Variants in SDK2 observed in about 807,000 individuals in gnomAD.
The protein encoded by SDK2 is protein sidekick-2.
SDK2 carries 105 observed loss-of-function variants against 253.9 expected under a neutral mutation model. The observed-to-expected ratio is 0.41, with a 90% CI of 0.35 to 0.49. The LOEUF (loss-of-function observed/expected upper bound fraction) is 0.49. SDK2 is among the 20% of genes least tolerant of loss of function. SDK2 has a pLI of 0.06. For missense variants in SDK2, 2,608 were observed against 3,003.0 expected (o/e 0.87, Z 3.07); for synonymous variants, 1,249 against 1,234.9 (o/e 1.01, Z -0.24).
At chr17:73,596,794 G>A (rs2045765337) in intron 1 of SDK2, among the ~76,000 whole-genome samples, 1 of 152,222 alleles carries the variant, frequency 6.6e-6, no homozygotes, top group South Asian at 2.1e-4. Flanking sequence ...GCCTCCAGAT[G>A]ACAAGTCCCT....
At chr17:73,362,205 C>T (rs896180418) in intron 38 of SDK2, among the ~76,000 whole-genome samples, 1 of 152,156 alleles carries the variant, frequency 6.6e-6, no homozygotes, top group Admixed American at 6.5e-5. Context: ...TATGTTTCGG[C>T]TCCATTGCTA....
chr17:73,508,524 G>A (rs1341083881), intron 1 of SDK2, among the ~76,000 whole-genome samples: 1 of 152,180 alleles, frequency 6.6e-6, no homozygotes, highest in East Asian at 1.9e-4. Context: ...GATAGGGTGG[G>A]GCCGGGCGGC....
At chr17:73,579,014 C>G (rs1351494585) in intron 1 of SDK2, among the ~76,000 whole-genome samples, 1 of 152,148 alleles carries the variant, frequency 6.6e-6, no homozygotes, top group Non-Finnish European at 1.5e-5. Context: ...CCCTTGTCGG[C>G]CGGGTCAGGG....
At chr17:73,624,591 C>T (rs1271558623) in intron 1 of SDK2, among the ~76,000 whole-genome samples, 2 of 152,168 alleles carry the variant, frequency 1.3e-5, no homozygotes, top group African/African-American at 2.4e-5. Context: ...CTAGTGCTTC[C>T]CAGAATTTAA....
At chr17:73,386,688 G>A (rs929443596) in intron 30 of SDK2, 140 bp from the exon 31 acceptor site, 61 of 636,630 alleles carry the variant, frequency 9.6e-5, no homozygotes, top group Non-Finnish European at 1.1e-4. Flanking sequence ...AGGGCACACT[G>A]AGGCTCAGAA....
In SDK2 at chr17:73,559,598, G is replaced by GCCC. The variant is rs10633523; in HGVS notation, c.65-52004_65-52002dup. On this transcript the variant is annotated intron_variant, in intron 1 of 44. Coordinates refer to ENST00000392650, the MANE Select transcript of SDK2 (RefSeq NM_001144952.2). ...CGCCACTCCCCACTCCGCTCCCTGT[G>GCCC]CCCCCCGCCCCCGCCACCATACCAC... is the stretch of plus-strand genomic sequence containing the variant. Among the ~76,000 whole-genome samples, 1,050 of 122,118 alleles carry GCCC rather than the reference G, an allele frequency of 8.6e-3. 62 individuals are homozygous for GCCC. Among genetic ancestry groups the GCCC allele is most frequent in the African/African-American group, 0.04 (981 of 24,468 alleles). The allele number at this position is 122,118 out of a possible 152,430, so 80.1% of individuals were successfully genotyped here.
At chr17:73,366,025 G>C (rs2062681985) in intron 37 of SDK2, among the ~76,000 whole-genome samples, 1 of 152,180 alleles carries the variant, frequency 6.6e-6, no homozygotes, top group Non-Finnish European at 1.5e-5. Flanking sequence ...CTGATGGGGA[G>C]GACAGAGGAA....
At position 73,612,380 on chromosome 17, in the gene SDK2, C is replaced by T. The variant is rs957176123; in HGVS notation, c.64+31645G>A. Among the ~76,000 whole-genome samples, 2 of 151,740 alleles carry T rather than the reference C, an allele frequency of 1.3e-5. No homozygotes were observed. Among genetic ancestry groups the T allele is most frequent in the Non-Finnish European group, 2.9e-5 (2 of 67,920 alleles). Reference sequence around the variant, plus strand: ...CAGGCTGGCCCCGCACAGTCCCCACCCTCACCGGGTCCCTGTGGCCCAGCT... The same window carrying T: ...CAGGCTGGCCCCGCACAGTCCCCACTCTCACCGGGTCCCTGTGGCCCAGCT... On this transcript the variant is annotated intron_variant, in intron 1 of 44. Transcript: ENST00000392650. This position sits in a 1 kb window ranked among gnomAD's most constrained non-coding sequence, Gnocchi z 4.4.
chr17:73,600,563 C>G (rs972014822), intron 1 of SDK2, among the ~76,000 whole-genome samples: 1 of 152,094 alleles, frequency 6.6e-6, no homozygotes, highest in African/African-American at 2.4e-5. Flanking sequence ...GCCCCTAGCT[C>G]CCCAAGTGAC....
chr17:73,536,278 C>T (rs7210407), intron 1 of SDK2, among the ~76,000 whole-genome samples: 4 of 152,018 alleles, frequency 2.6e-5, no homozygotes, highest in Non-Finnish European at 5.9e-5. Context: ...CCTGGATCAG[C>T]AAGCAGGTCA....
At chr17:73,630,786 G>A (rs1393724990) in intron 1 of SDK2, among the ~76,000 whole-genome samples, 3 of 152,098 alleles carry the variant, frequency 2.0e-5, no homozygotes, top group African/African-American at 7.2e-5. Flanking sequence ...TGCAAGGGAG[G>A]CTGAGCTGTC....
chr17:73,460,279 C>G (rs1230526118), intron 3 of SDK2, among the ~76,000 whole-genome samples: 1 of 152,154 alleles, frequency 6.6e-6, no homozygotes, highest in Non-Finnish European at 1.5e-5. Flanking sequence ...CAGATGACAG[C>G]CAGCACCAAC....
chr17:73,457,309 C>T (rs189977777), intron 3 of SDK2, among the ~76,000 whole-genome samples: 11,756 of 64,928 alleles, frequency 0.18, 2,344 homozygotes, highest in East Asian at 0.65. Flanking sequence ...CTCCCCCTCC[C>T]CCCCTCCCCT....
intron 1 of SDK2, among the ~76,000 whole-genome samples, chr17:73,585,589 C>A (rs987471448): frequency 6.6e-6 from 1 of 152,182 alleles, no homozygotes; most frequent in East Asian, 1.9e-4. Flanking sequence ...CATGGCCAGG[C>A]GGGGAAATAC....
At chr17:73,351,952 G>T (rs1450006596) in intron 41 of SDK2, among the ~76,000 whole-genome samples, 2 of 151,928 alleles carry the variant, frequency 1.3e-5, no homozygotes, top group African/African-American at 4.8e-5. Flanking sequence ...TTTGGGTCAA[G>T]GGTTTAGATA....
chr17:73,561,503 C>T (rs1210780493), intron 1 of SDK2, among the ~76,000 whole-genome samples: 3 of 152,246 alleles, frequency 2.0e-5, no homozygotes, highest in Non-Finnish European at 4.4e-5. Context: ...CCGCCTTCTT[C>T]AGGCCATACT....
Position 73,541,009 on chromosome 17 carries a change from G to A in SDK2, c.65-33412C>T, listed in dbSNP as rs2044859917. Among the ~76,000 whole-genome samples the A allele has an allele frequency of 6.6e-6, 1 of 152,198 alleles. No individual in the cohort carries two copies. Among genetic ancestry groups the A allele is most frequent in the South Asian group, 2.1e-4 (1 of 4,826 alleles). On this transcript the variant is annotated intron_variant, in intron 1 of 44. Transcript: ENST00000392650. This position sits in a 1 kb window ranked among gnomAD's most constrained non-coding sequence, Gnocchi z 4.3. Reference sequence around the variant, plus strand: ...CAGCCTCCCCTACAGCACTTTCCTGGCAAATGTGGTCTCGGCCATCAAGCT... The same window carrying A: ...CAGCCTCCCCTACAGCACTTTCCTGACAAATGTGGTCTCGGCCATCAAGCT...
intron 2 of SDK2, among the ~76,000 whole-genome samples, chr17:73,491,828 G>T (rs530341558): frequency 6.6e-6 from 1 of 152,204 alleles, no homozygotes. Context: ...CTAAGGAAGC[G>T]CTGGGGACCC....
intron 1 of SDK2, among the ~76,000 whole-genome samples, chr17:73,576,939 G>A (rs147840023): frequency 5.3e-5 from 8 of 152,296 alleles, no homozygotes; most frequent in Non-Finnish European, 7.4e-5. Context: ...CATGGGAATC[G>A]CCAAGGATAC....
Sources: allele counts gnomAD v4.1 joint callset (sites outside exome capture counted in the v4.1 genomes callset), GRCh38; gene constraint gnomAD v4.1.1; non-coding constraint Gnocchi (gnomAD v3.1); transcripts MANE v1.5; gene names NCBI Gene and HGNC (gene_info 2026-07-23, HGNC 2026-07-21).